The following EML5 variants were observed in gnomAD, a reference collection of about 807,000 sequenced individuals.
The protein encoded by EML5 is echinoderm microtubule-associated protein-like 5.
In EML5, 120 loss-of-function variants were observed where a neutral mutation model predicts 250.0. That is an observed-to-expected ratio of 0.48 (90% CI 0.41 to 0.56). The LOEUF (loss-of-function observed/expected upper bound fraction) is 0.56. Ranked by LOEUF, EML5 falls within the 20% of genes least tolerant of loss-of-function variation. EML5 has a pLI of 0.00. For synonymous variants in EML5, 771 were observed against 806.5 expected (o/e 0.96, Z 0.75); for missense variants, 2,006 against 2,437.6 (o/e 0.82, Z 3.73).
intron 9 of EML5, among the ~76,000 whole-genome samples, chr14:88,714,531 G>A (rs2093461323): frequency 6.6e-6 from 1 of 152,100 alleles, no homozygotes. Flanking sequence ...TTTGCTAAGA[G>A]AGTGGAACTT....
chr14:88,644,959 G>A (rs111654627), intron 29 of EML5, among the ~76,000 whole-genome samples: 9,659 of 151,378 alleles, frequency 0.064, 410 homozygotes, highest in Middle Eastern at 0.11. Context: ...TGATCGGCCC[G>A]CCTGGGCCTC....
intron 1 of EML5, among the ~76,000 whole-genome samples, chr14:88,788,292 A>C (rs1465922900): frequency 6.6e-6 from 1 of 152,222 alleles, no homozygotes; most frequent in East Asian, 1.9e-4. Flanking sequence ...CTGAGCTGTC[A>C]AAAACCACTT....
intron 7 of EML5, among the ~76,000 whole-genome samples, chr14:88,735,349 T>C (rs571747299): frequency 1.3e-5 from 2 of 152,276 alleles, no homozygotes; most frequent in South Asian, 4.1e-4. Context: ...ACAGGTATCA[T>C]TAGATCTTAT....
chr14:88,688,752 C>T (rs1015997730), intron 17 of EML5, among the ~76,000 whole-genome samples: 9 of 152,166 alleles, frequency 5.9e-5, no homozygotes, highest in African/African-American at 1.9e-4. Context: ...TTTATTATGA[C>T]ATATTTAAGA....
chr14:88,621,091 T>TA (rs749912684), intron 38 of EML5, 22 bp downstream of exon 38: 28 of 1,599,088 alleles, frequency 1.8e-5, no homozygotes, highest in South Asian at 4.5e-5. Context: ...TAACCTCTTT[T>TA]AAAAAAATTA....
intron 8 of EML5, among the ~76,000 whole-genome samples, chr14:88,723,993 G>A (rs1214020273): frequency 1.3e-5 from 2 of 151,884 alleles, no homozygotes; most frequent in Non-Finnish European, 2.9e-5. Context: ...GTTATGAGCC[G>A]GGCACAGTAG....
intron 7 of EML5, among the ~76,000 whole-genome samples, chr14:88,735,356 T>C (rs1308736682): frequency 6.6e-6 from 1 of 152,174 alleles, no homozygotes; most frequent in Non-Finnish European, 1.5e-5. Context: ...TCATTAGATC[T>C]TATTTAAAAT....
At chr14:88,714,375 A>T (rs1051040072) in intron 9 of EML5, among the ~76,000 whole-genome samples, 3 of 152,184 alleles carry the variant, frequency 2.0e-5, no homozygotes, top group South Asian at 4.1e-4. Context: ...GTTGCCAGGG[A>T]CTGGGAGAGG....
At chr14:88,775,104 G>A (rs1474465141) in intron 1 of EML5, among the ~76,000 whole-genome samples, 1 of 150,344 alleles carries the variant, frequency 6.7e-6, no homozygotes, top group Non-Finnish European at 1.5e-5. Flanking sequence ...TGAATAACCA[G>A]TAGCAATACC....
At chr14:88,668,928 C>T (rs1022431539) in intron 21 of EML5, among the ~76,000 whole-genome samples, 1 of 151,896 alleles carries the variant, frequency 6.6e-6, no homozygotes, top group African/African-American at 2.4e-5. Flanking sequence ...AGGCTCCCAC[C>T]AAGAAGACCG....
chr14:88,757,412 G>C (rs997684175), intron 1 of EML5, among the ~76,000 whole-genome samples: 1 of 151,992 alleles, frequency 6.6e-6, no homozygotes, highest in Non-Finnish European at 1.5e-5. Flanking sequence ...GAATGAAGCA[G>C]TGGTTTCTCA....
At position 88,687,175 on chromosome 14, in the gene EML5, C is replaced by CT. The variant is rs769585775; in HGVS notation, c.2854+40dup. The CT allele has an allele frequency of 6.8e-6, 10 of 1,460,742 alleles. No individual in the cohort carries two copies. The African/African-American group carries it at 9.8e-5, about 14-fold the overall frequency. The allele number at this position is 1,460,742 out of a possible 1,614,324, so 90.5% of individuals were successfully genotyped here. On this transcript the variant is annotated intron_variant, in intron 19 of 43. Coordinates refer to ENST00000554922, the MANE Select transcript of EML5 (RefSeq NM_183387.3). ...TCACACACATTAATGAGCAATTAAT[C>CT]TTTTTTTCCTATACAAAAACCCCAC... is the stretch of plus-strand genomic sequence containing the variant.
intron 21 of EML5, among the ~76,000 whole-genome samples, chr14:88,668,930 A>C (rs868624448): frequency 7.2e-5 from 11 of 152,100 alleles, no homozygotes; most frequent in Middle Eastern, 3.4e-3. Flanking sequence ...GCTCCCACCA[A>C]GAAGACCGAA....
In EML5 at chr14:88,621,476, T is replaced by C. The variant is rs534257855; in HGVS notation, c.5014-175A>G. The C allele has an allele frequency of 1.5e-5, 10 of 645,534 alleles. 1 individual carries two copies. The African/African-American group carries it at 1.6e-4, about 11-fold the overall frequency. 40.0% of individuals were successfully genotyped at this position (645,534 alleles called of 1,614,324 possible). A position where few individuals can be genotyped will look rare whatever the true frequency, so the allele number is the denominator to read the frequency against. On this transcript the variant is annotated intron_variant, in intron 37 of 43. Coordinates refer to ENST00000554922, the MANE Select transcript of EML5 (RefSeq NM_183387.3). ...TTTTCTATGACTACAGGCACACATC[T>C]ATCTGTAAGCACAATGGGCTAGATT... is the stretch of plus-strand genomic sequence containing the variant.
At chr14:88,743,268 T>A (rs970965888) in intron 4 of EML5, among the ~76,000 whole-genome samples, 1 of 152,030 alleles carries the variant, frequency 6.6e-6, no homozygotes, top group Non-Finnish European at 1.5e-5. Context: ...AAGGAGGATA[T>A]TGAATGGTCC....
Position 88,664,487 on chromosome 14 carries a change from T to G in EML5, c.3409+6A>C. Reference sequence around the variant, plus strand: ...TTATCAAGTATTAAGTTATTTAAAGTCTTACCTCTAATATCCCAATCAATA... The same window carrying G: ...TTATCAAGTATTAAGTTATTTAAAGGCTTACCTCTAATATCCCAATCAATA... On this transcript the variant is annotated splice_donor_region_variant and intron_variant, in intron 23 of 43. Coordinates refer to ENST00000554922, the MANE Select transcript of EML5 (RefSeq NM_183387.3). 6.3e-7 allele frequency: 1 copy of G among 1,588,924 alleles called. No homozygotes were observed. Among genetic ancestry groups the G allele is most frequent in the South Asian group, 1.2e-5 (1 of 84,198 alleles).
intron 33 of EML5, among the ~76,000 whole-genome samples, chr14:88,632,281 T>G (rs1248244702): frequency 6.6e-6 from 1 of 152,204 alleles, no homozygotes; most frequent in Non-Finnish European, 1.5e-5. Flanking sequence ...CCTGCTTAAC[T>G]GTTTTTTGCT....
chr14:88,684,513 A>T (rs931193155), intron 20 of EML5, among the ~76,000 whole-genome samples: 1 of 96,644 alleles, frequency 1.0e-5, no homozygotes, highest in Non-Finnish European at 1.8e-5. Context: ...AATTTTCAGT[A>T]ATGAAATTTT....
At chr14:88,671,994 A>G (rs758701151) in intron 21 of EML5, among the ~76,000 whole-genome samples, 2 of 152,164 alleles carry the variant, frequency 1.3e-5, no homozygotes, top group Admixed American at 6.5e-5. Context: ...TAGATCATAA[A>G]GACAGAAAAT....
Sources: allele counts gnomAD v4.1 joint callset (sites outside exome capture counted in the v4.1 genomes callset), GRCh38; gene constraint gnomAD v4.1.1; transcripts MANE v1.5; gene names NCBI Gene and HGNC (gene_info 2026-07-23, HGNC 2026-07-21).